The following CDK4 variants were observed in gnomAD, a reference collection of about 807,000 sequenced individuals.
CDK4 encodes the protein cyclin dependent kinase 4, also known as cyclin-dependent kinase 4.
CDK4 carries 13 observed loss-of-function variants against 36.7 expected under a neutral mutation model. That is an observed-to-expected ratio of 0.35 (90% CI 0.23 to 0.56). The LOEUF is 0.56. Among genes scored for constraint, CDK4 ranks in the 20% least tolerant of loss-of-function variants. The pLI, the probability that CDK4 is intolerant of heterozygous loss-of-function variation, is 0.85. For synonymous variants in CDK4, 158 were observed against 146.4 expected (o/e 1.08, Z -0.57); for missense variants, 285 against 387.3 (o/e 0.74, Z 2.22).
Position 57,751,812 on chromosome 12 carries a change from TC to T in CDK4, c.-19-77del, listed in dbSNP as rs1193464114. The stretch of plus-strand genomic sequence containing the variant: ...TATGAGCCTGCAGCAACAAAGGGAC[TC>T]CCAAAAAAAAAGCGCAAAGAACACC... On this transcript the variant is annotated intron_variant, in intron 1 of 7. Transcript: ENST00000257904. This position sits in a 1 kb window ranked among gnomAD's most constrained non-coding sequence, Gnocchi z 4.5. The T allele has an allele frequency of 3.7e-6, 4 of 1,076,714 alleles. No homozygotes were observed. In the African/African-American group the frequency reaches 4.7e-5, roughly 13 times the overall value. 66.7% of individuals were successfully genotyped at this position (1,076,714 alleles called of 1,614,324 possible).
rs552767209 is a variant in CDK4, at chr12:57,751,139, C to A, written c.355-49G>T. On this transcript the variant is annotated intron_variant, in intron 3 of 7. Coordinates refer to ENST00000257904, the MANE Select transcript of CDK4 (RefSeq NM_000075.4). This position sits in a 1 kb window ranked among gnomAD's most constrained non-coding sequence, Gnocchi z 4.5. ...ATGCACTGGAAACTAGGCACCATAC[C>A]TGAAATCCCAGAAGGTTCTACTACA... 6.2e-7 allele frequency: 1 copy of A among 1,614,158 alleles called. No homozygotes were observed. Among genetic ancestry groups the A allele is most frequent in the South Asian group, 1.1e-5 (1 of 91,080 alleles).
At position 57,751,368 on chromosome 12, in the gene CDK4, C is replaced by T; in HGVS notation, c.219-26G>A. On this transcript the variant is annotated intron_variant, in intron 2 of 7. Coordinates refer to ENST00000257904, the MANE Select transcript of CDK4 (RefSeq NM_000075.4). The surrounding 1 kb of genome is among the most constrained non-coding windows in gnomAD (Gnocchi z 4.5). ...CTGACCAGAGTAAATGCTCACTTTT[C>T]AATCCCCTTTAACCCAACATGGCCT... is the stretch of plus-strand genomic sequence containing the variant. 6.2e-7 allele frequency: 1 copy of T among 1,614,038 alleles called. No homozygotes were observed. Among genetic ancestry groups the T allele is most frequent in the Non-Finnish European group, 8.5e-7 (1 of 1,180,024 alleles).
chr12:57,749,729 C>T (rs992189002), intron 5 of CDK4: 23 of 584,212 alleles, frequency 3.9e-5, no homozygotes, highest in Admixed American at 8.8e-5. Context: ...CCAGGTGCAG[C>T]GGCTCACGCC....
chr12:57,751,649 G>A lies in CDK4; in HGVS notation c.69C>T (p.Ala23=), dbSNP rs2140388594. 6.2e-7 allele frequency: 1 copy of A among 1,614,140 alleles called. No homozygotes were observed. Among genetic ancestry groups the A allele is most frequent in the Non-Finnish European group, 8.5e-7 (1 of 1,180,026 alleles). ...CAAAGTGGCCACTGTGGGGATCACG[G>A]GCCTTGTACACTGTCCCATAGGCAC... The part of the protein sequence containing the change: ...GVGAYGTVYK[A]RDPHSGHFVA... Residue 23 remains alanine (A), a synonymous_variant, in exon 2 of 8, where the codon GCC becomes GCT. Transcript: ENST00000257904. The surrounding 1 kb of genome is among the most constrained non-coding windows in gnomAD (Gnocchi z 4.5).
intron 5 of CDK4, 101 bp from the exon 6 acceptor site, chr12:57,749,605 G>T: frequency 8.6e-7 from 1 of 1,156,236 alleles, no homozygotes; most frequent in Non-Finnish European, 1.3e-6. Context: ...GGGAATAAAG[G>T]CCAACAATTC....
In CDK4 at chr12:57,750,715, A is replaced by G. The variant is rs878853623; in HGVS notation, c.573T>C (p.Tyr191=). The G allele has an allele frequency of 1.9e-6, 3 of 1,614,202 alleles. No homozygotes were observed. The highest frequency in any genetic ancestry group is 2.2e-5 in the East Asian group (1 of 44,886). The stretch of plus-strand genomic sequence containing the variant: ...CACTCCACATGTCCACAGGTGTTGC[A>G]TATGTGGACTGCAGAAGAACTTCGG... The part of the protein sequence containing the change: ...RAPEVLLQST[Y]ATPVDMWSVG... The change falls in exon 5 of 8, where the codon TAT becomes TAC. Residue 191 remains tyrosine, a synonymous_variant. Transcript: ENST00000257904.
chr12:57,749,092 A>G (rs1415473064), intron 7 of CDK4, 90 bp downstream of exon 7: 6 of 1,528,924 alleles, frequency 3.9e-6, no homozygotes, highest in Non-Finnish European at 5.4e-6. Context: ...ACCAAGTTTC[A>G]TTAACCACAG....
At chr12:57,748,708 C>CTTCTTTTT in intron 7 of CDK4, 91 bp from the exon 8 acceptor site, 1 of 693,632 alleles carries the variant, frequency 1.4e-6, no homozygotes, top group Non-Finnish European at 2.5e-6. Flanking sequence ...CTTCTTTTTT[C>CTTCTTTTT]TTTTTTTTTT....
rs2140388902 is a variant in CDK4 at position 57,751,739 on chromosome 12, A to C, written c.-19-3T>G. The stretch of plus-strand genomic sequence containing the variant: ...CCATTCTCAGATCAAGGGAGACCCT[A>C]CAATCACAGACTCCTATCACCAAAA... On this transcript the variant is annotated splice_region_variant and splice_polypyrimidine_tract_variant and intron_variant, in intron 1 of 7. Coordinates refer to ENST00000257904, the MANE Select transcript of CDK4 (RefSeq NM_000075.4). This position sits in a 1 kb window ranked among gnomAD's most constrained non-coding sequence, Gnocchi z 4.5. The C allele has an allele frequency of 1.9e-6, 3 of 1,606,672 alleles. No homozygotes were observed. The highest frequency in any genetic ancestry group is 1.7e-6 in the Non-Finnish European group (2 of 1,173,656).
chr12:57,749,466 C>T lies in CDK4; in HGVS notation c.671G>A (p.Gly224Asp), dbSNP rs1257383551. 1 of 1,614,132 alleles carries T rather than the reference C, an allele frequency of 6.2e-7. No homozygotes were observed. Among genetic ancestry groups the T allele is most frequent in the Non-Finnish European group, 8.5e-7 (1 of 1,179,988 alleles). ...FCGNSEADQL[G>D]KIFDLIGLPP... is the part of the protein sequence containing the mutation. The stretch of plus-strand genomic sequence containing the variant: ...GTTGGTCACTTACTCAAAGATTTTG[C>T]CCAACTGGTCGGCTTCAGAGTTTCC... The change falls in exon 6 of 8, where the codon GGC becomes GAC. Residue 224 changes from glycine to aspartate, a missense_variant. Gly to Asp is a moderately conservative substitution (Grantham distance 94). Coordinates refer to ENST00000257904, the MANE Select transcript of CDK4 (RefSeq NM_000075.4).
At chr12:57,748,708 C>CTTCTTT (rs1555201052) in intron 7 of CDK4, 91 bp from the exon 8 acceptor site, 7 of 693,630 alleles carry the variant, frequency 1.0e-5, no homozygotes, top group South Asian at 7.8e-5. Flanking sequence ...CTTCTTTTTT[C>CTTCTTT]TTTTTTTTTT....
At chr12:57,749,097 C>T (rs1038062333) in intron 7 of CDK4, 85 bp downstream of exon 7, 3 of 1,544,048 alleles carry the variant, frequency 1.9e-6, no homozygotes, top group Non-Finnish European at 1.8e-6. Context: ...GTTTCATTAA[C>T]CACAGTGGCC....
Position 57,748,161 on chromosome 12 carries a change from C to A in CDK4, c.*364G>T, listed in dbSNP as rs1222065344. 10 of 350,610 alleles carry A rather than the reference C, an allele frequency of 2.9e-5. No homozygotes were observed. Among genetic ancestry groups the A allele is most frequent in the Non-Finnish European group, 4.2e-5 (8 of 188,766 alleles). The allele number at this position is 350,610 out of a possible 1,614,324, so 21.7% of individuals were successfully genotyped here. ...TCTTTAAGGTTTTGCAGGAAAGTCC[C>A]TTCTTCCAAGTGGTTTTTCCAAATC... On this transcript the variant is annotated 3_prime_UTR_variant, in exon 8 of 8. Transcript: ENST00000257904.
rs1955236343 is a variant in CDK4, at chr12:57,751,482, C to G, written c.218+18G>C. The G allele has an allele frequency of 6.2e-7, 1 of 1,612,920 alleles. No homozygotes were observed. Among genetic ancestry groups the G allele is most frequent in the African/African-American group, 1.3e-5 (1 of 75,026 alleles). The stretch of plus-strand genomic sequence containing the variant: ...TTTCCCTTTACTCCCCACGCCCAAC[C>G]CTCCACCACCTTCTCACCGGACAAC... On this transcript the variant is annotated intron_variant, in intron 2 of 7. Coordinates refer to ENST00000257904, the MANE Select transcript of CDK4 (RefSeq NM_000075.4). This position sits in a 1 kb window ranked among gnomAD's most constrained non-coding sequence, Gnocchi z 4.5.
Position 57,750,718 on chromosome 12 carries a change from T to C in CDK4, c.570A>G (p.Thr190=), listed in dbSNP as rs1428628208. The C allele has an allele frequency of 6.2e-7, 1 of 1,614,150 alleles. No individual in the cohort carries two copies. Among genetic ancestry groups the C allele is most frequent in the Non-Finnish European group, 8.5e-7 (1 of 1,179,992 alleles). The change falls in exon 5 of 8, where the codon ACA becomes ACG. Residue 190 remains threonine (T), a synonymous_variant. Coordinates refer to ENST00000257904, the MANE Select transcript of CDK4 (RefSeq NM_000075.4). The part of the protein sequence containing the change: ...YRAPEVLLQS[T]YATPVDMWSV... ...TCCACATGTCCACAGGTGTTGCATA[T>C]GTGGACTGCAGAAGAACTTCGGGAG...
At position 57,748,563 on chromosome 12, in the gene CDK4, G is replaced by T. The variant is rs2140381090; in HGVS notation, c.874C>A (p.His292Asn). Reference sequence around the variant, plus strand: ...CCTTCATCCTTATGTAGATAAGAGTGCTGCAGAGCTCGAAAGGCAGAGATT... The same window carrying T: ...CCTTCATCCTTATGTAGATAAGAGTTCTGCAGAGCTCGAAAGGCAGAGATT... ...KRISAFRALQ[H>N]SYLHKDEGNP... The change falls in exon 8 of 8, where the codon CAC becomes AAC. Residue 292 changes from histidine to asparagine, a missense_variant. Physicochemically the swap from His to Asn is moderately conservative, Grantham distance 68. Coordinates refer to ENST00000257904, the MANE Select transcript of CDK4 (RefSeq NM_000075.4). The T allele has an allele frequency of 6.2e-7, 1 of 1,613,902 alleles. No homozygotes were observed. Among genetic ancestry groups the T allele is most frequent in the Non-Finnish European group, 8.5e-7 (1 of 1,179,790 alleles).
At chr12:57,749,128 A>C (rs1202017432) in intron 7 of CDK4, 54 bp downstream of exon 7, 2 of 1,611,606 alleles carry the variant, frequency 1.2e-6, no homozygotes, top group Non-Finnish European at 1.7e-6. Context: ...ATACTGCTCT[A>C]TTTCTTTCCC....
intron 6 of CDK4, 53 bp from the exon 7 acceptor site, chr12:57,749,370 A>T (rs1308458499): frequency 1.2e-6 from 2 of 1,613,766 alleles, no homozygotes; most frequent in African/African-American, 2.7e-5. Context: ...TCCCATCCCC[A>T]TGGGCAGAGC....
rs1056401055 is a variant in CDK4, at chr12:57,747,811, C to T, written c.*714G>A. On this transcript the variant is annotated 3_prime_UTR_variant, in exon 8 of 8. Coordinates refer to ENST00000257904, the MANE Select transcript of CDK4 (RefSeq NM_000075.4). ...AGGCTGGAGTGCAATGGCATGATCTCGGCTCACCGCAACCTCTGCCTCCCG... is the reference window on the plus strand; with the variant it reads ...AGGCTGGAGTGCAATGGCATGATCTTGGCTCACCGCAACCTCTGCCTCCCG... The T allele has an allele frequency of 3.0e-5, 5 of 167,530 alleles. No individual in the cohort carries two copies. The highest frequency in any genetic ancestry group is 1.3e-4 in the East Asian group (1 of 7,754). The allele number at this position is 167,530 out of a possible 1,614,324, so 10.4% of individuals were successfully genotyped here.
Sources: allele counts gnomAD v4.1 joint callset, GRCh38; gene constraint gnomAD v4.1.1; non-coding constraint Gnocchi (gnomAD v3.1); transcripts MANE v1.5; gene names NCBI Gene and HGNC (gene_info 2026-07-23, HGNC 2026-07-21).